BCL2: variants seen among roughly 807,000 people sequenced by gnomAD.
BCL2 encodes the protein apoptosis regulator Bcl-2.
Under a neutral mutation model 14.2 loss-of-function variants are expected in BCL2, and 1 was observed. The observed-to-expected ratio is 0.07, with a 90% confidence interval of 0.02 to 0.33. The LOEUF (loss-of-function observed/expected upper bound fraction) is 0.33. Ranked by LOEUF, BCL2 falls within the 10% of genes least tolerant of loss-of-function variation. BCL2 has a pLI of 0.99. For synonymous variants in BCL2, 151 were observed against 137.2 expected, an observed-to-expected ratio of 1.10 and a Z score of -0.70; for missense variants, 247 against 305.9, an observed-to-expected ratio of 0.81 and a Z score of 1.44.
At chr18:63,236,510 G>C (rs1910833472) in intron 2 of BCL2, among the ~76,000 whole-genome samples, 1 of 152,198 alleles carries the variant, frequency 6.6e-6, no homozygotes, top group Non-Finnish European at 1.5e-5. Context: ...CAGGGAACTG[G>C]AACTTGACGC....
At chr18:63,309,889 G>C (rs770765617) in intron 2 of BCL2, among the ~76,000 whole-genome samples, 1 of 152,138 alleles carries the variant, frequency 6.6e-6, no homozygotes, top group Non-Finnish European at 1.5e-5. Context: ...TTGAGACAGA[G>C]TCTCGCTCTG....
chr18:63,288,315 CA>C (rs1912532478), intron 2 of BCL2, among the ~76,000 whole-genome samples: 1 of 152,208 alleles, frequency 6.6e-6, no homozygotes, highest in East Asian at 1.9e-4. Flanking sequence ...ATTTTAGGCA[CA>C]TTATCCATTA....
chr18:63,162,903 C>T (rs367743182), intron 2 of BCL2, among the ~76,000 whole-genome samples: 3 of 152,256 alleles, frequency 2.0e-5, no homozygotes, highest in African/African-American at 7.2e-5. Context: ...GTCACTCAGG[C>T]TGGAGTGCAG....
intron 2 of BCL2, among the ~76,000 whole-genome samples, chr18:63,229,212 T>C (rs1353773101): frequency 2.6e-5 from 4 of 152,154 alleles, no homozygotes; most frequent in Admixed American, 1.3e-4. Flanking sequence ...TATGTCTCTA[T>C]TGAACTTAAT....
At chr18:63,309,791 G>A (rs1369560409) in intron 2 of BCL2, among the ~76,000 whole-genome samples, 1 of 152,170 alleles carries the variant, frequency 6.6e-6, no homozygotes, top group Admixed American at 6.5e-5. Context: ...AGATGCTCAA[G>A]TCCCTGATAT....
At chr18:63,191,791 AC>A (rs1196444528) in intron 2 of BCL2, among the ~76,000 whole-genome samples, 9 of 152,194 alleles carry the variant, frequency 5.9e-5, no homozygotes, top group Non-Finnish European at 8.8e-5. Flanking sequence ...GTGCATTTGA[AC>A]CCCCTCAGGA....
chr18:63,189,569 G>C (rs1234788859), intron 2 of BCL2, among the ~76,000 whole-genome samples: 1 of 152,082 alleles, frequency 6.6e-6, no homozygotes, highest in Non-Finnish European at 1.5e-5. Flanking sequence ...TGTATGTACT[G>C]AATGTTTTTC....
At chr18:63,234,026 G>T (rs1910754464) in intron 2 of BCL2, among the ~76,000 whole-genome samples, 1 of 152,034 alleles carries the variant, frequency 6.6e-6, no homozygotes, top group Non-Finnish European at 1.5e-5. Context: ...CTGTTTAAAA[G>T]GGTATACATG....
chr18:63,166,993 G>A (rs545122619), intron 2 of BCL2, among the ~76,000 whole-genome samples: 16 of 152,308 alleles, frequency 1.1e-4, no homozygotes, highest in African/African-American at 3.8e-4. Flanking sequence ...TCCAGCCAGG[G>A]AGACCAACAG....
intron 2 of BCL2, among the ~76,000 whole-genome samples, chr18:63,278,070 T>C (rs1912207626): frequency 6.6e-6 from 1 of 152,232 alleles, no homozygotes; most frequent in Non-Finnish European, 1.5e-5. Flanking sequence ...TGGCTGGTGA[T>C]GGCAAAACTG....
intron 2 of BCL2, among the ~76,000 whole-genome samples, chr18:63,223,656 G>A (rs904664647): frequency 1.3e-5 from 2 of 152,216 alleles, no homozygotes; most frequent in African/African-American, 4.8e-5. Context: ...AGGCAGGGCG[G>A]CATCTTGCAG....
At chr18:63,268,209 T>C (rs972778609) in intron 2 of BCL2, among the ~76,000 whole-genome samples, 1 of 152,196 alleles carries the variant, frequency 6.6e-6, no homozygotes, top group Non-Finnish European at 1.5e-5. Flanking sequence ...ACCAAGTGTA[T>C]GCCTCATGAG....
At chr18:63,147,353 A>T (rs768815492) in intron 2 of BCL2, among the ~76,000 whole-genome samples, 6 of 152,306 alleles carry the variant, frequency 3.9e-5, no homozygotes, top group Admixed American at 6.5e-5. Context: ...GGAGGATGAA[A>T]AGGGTTTGAT....
chr18:63,194,774 C>A (rs1448708861), intron 2 of BCL2, among the ~76,000 whole-genome samples: 1 of 152,146 alleles, frequency 6.6e-6, no homozygotes, highest in Non-Finnish European at 1.5e-5. Context: ...TAACCATAAA[C>A]AAAGCATTAA....
Position 63,198,357 on chromosome 18 carries a change from C to G in BCL2, c.586-69598G>C, listed in dbSNP as rs567950800. On this transcript the variant is annotated intron_variant, in intron 2 of 2. Coordinates refer to ENST00000333681, the MANE Select transcript of BCL2 (RefSeq NM_000633.3). ...ACACACACAGACACAGAGACACACACAGACACACACTGACATAGACACACA... is the reference window on the plus strand; with the variant it reads ...ACACACACAGACACAGAGACACACAGAGACACACACTGACATAGACACACA... Among the ~76,000 whole-genome samples the G allele has an allele frequency of 2.0e-5, 3 of 150,046 alleles. No individual in the cohort carries two copies. The South Asian group carries it at 6.4e-4, about 32-fold the overall frequency.
At position 63,286,340 on chromosome 18, in the gene BCL2, C is replaced by T. The variant is rs569506461; in HGVS notation, c.585+31742G>A. 2.0e-5 allele frequency among the ~76,000 whole-genome samples: 3 copies of T among 152,220 alleles called. No individual in the cohort carries two copies. In the South Asian group the frequency reaches 6.2e-4, roughly 32 times the overall value. On this transcript the variant is annotated intron_variant, in intron 2 of 2. Coordinates refer to ENST00000333681, the MANE Select transcript of BCL2 (RefSeq NM_000633.3). The stretch of plus-strand genomic sequence containing the variant: ...CAAACAGACATGAATAATTATGATA[C>T]AAAACCTATTGTATATATACACAGA...
chr18:63,156,217 G>A (rs1041050015), intron 2 of BCL2, among the ~76,000 whole-genome samples: 1 of 152,084 alleles, frequency 6.6e-6, no homozygotes, highest in South Asian at 2.1e-4. Flanking sequence ...GGGAGTGGCA[G>A]CCCATTGTCC....
intron 2 of BCL2, among the ~76,000 whole-genome samples, chr18:63,291,964 C>A (rs1912660144): frequency 1.3e-5 from 2 of 152,032 alleles, no homozygotes; most frequent in South Asian, 4.1e-4. Context: ...AGACTAGAAA[C>A]CACTTTATAT....
At chr18:63,298,217 C>T (rs999572589) in intron 2 of BCL2, among the ~76,000 whole-genome samples, 1 of 151,818 alleles carries the variant, frequency 6.6e-6, no homozygotes, top group African/African-American at 2.4e-5. Flanking sequence ...TTTGTTATGA[C>T]AAGAGTTTAT....
Sources: allele counts gnomAD v4.1 joint callset (sites outside exome capture counted in the v4.1 genomes callset), GRCh38; gene constraint gnomAD v4.1.1; transcripts MANE v1.5; gene names NCBI Gene and HGNC (gene_info 2026-07-23, HGNC 2026-07-21).